The following AFG1L variants were observed in gnomAD, a reference collection of about 807,000 sequenced individuals.
AFG1L encodes AFG1 like ATPase, also known as AFG1-like ATPase.
Under a neutral mutation model 62.2 loss-of-function variants are expected in AFG1L, and 53 were observed. That is an observed-to-expected ratio of 0.85 (90% CI 0.68 to 1.07). AFG1L has a LOEUF of 1.07. AFG1L is among the 50% of genes least tolerant of loss of function. The pLI, the probability that AFG1L is intolerant of heterozygous loss-of-function variation, is 0.00. For missense variants in AFG1L, 555 were observed against 590.5 expected (o/e 0.94, Z 0.62); for synonymous variants, 228 against 210.3 (o/e 1.08, Z -0.73).
chr6:108,390,273 TC>T (rs1395713983), intron 6 of AFG1L, among the ~76,000 whole-genome samples: 2 of 152,200 alleles, frequency 1.3e-5, no homozygotes, highest in African/African-American at 4.8e-5. Context: ...ATTCGTCTAA[TC>T]TTTTTTCAAG....
chr6:108,327,158 A>G (rs1482272176), intron 2 of AFG1L, among the ~76,000 whole-genome samples: 2 of 152,212 alleles, frequency 1.3e-5, no homozygotes, highest in African/African-American at 4.8e-5. Flanking sequence ...CTGAGAGTAT[A>G]ATTAATTTTA....
At chr6:108,325,209 C>T (rs953143860) in intron 2 of AFG1L, among the ~76,000 whole-genome samples, 2 of 152,190 alleles carry the variant, frequency 1.3e-5, no homozygotes, top group Admixed American at 1.3e-4. Context: ...CTCTTCCACA[C>T]TCTGCTCTGG....
chr6:108,463,047 G>C (rs966404307), intron 8 of AFG1L, among the ~76,000 whole-genome samples: 1 of 151,910 alleles, frequency 6.6e-6, no homozygotes, highest in Non-Finnish European at 1.5e-5. Context: ...CCAGCACTGT[G>C]GGAGGCTGAG....
chr6:108,500,171 C>CGTGCGTGTGTGTGT (rs1247963141), intron 10 of AFG1L, among the ~76,000 whole-genome samples: 2 of 135,070 alleles, frequency 1.5e-5, no homozygotes, highest in Non-Finnish European at 1.6e-5. Context: ...ATGGTGCGTG[C>CGTGCGTGTGTGTGT]GTGTGTGTGT....
intron 2 of AFG1L, 48 bp from the exon 3 acceptor site, chr6:108,346,934 ATTATAT>A: frequency 7.6e-7 from 1 of 1,322,612 alleles, no homozygotes; most frequent in East Asian, 2.3e-5. Context: ...TATGTATATG[ATTATAT>A]TTAATTATTT....
chr6:108,382,446 G>T (rs1670835297), intron 6 of AFG1L, among the ~76,000 whole-genome samples: 1 of 152,098 alleles, frequency 6.6e-6, no homozygotes, highest in Admixed American at 6.6e-5. Flanking sequence ...AATATCACTA[G>T]AAAGTTGGCT....
chr6:108,360,266 A>G (rs1779471128), intron 5 of AFG1L, among the ~76,000 whole-genome samples: 1 of 152,070 alleles, frequency 6.6e-6, no homozygotes, highest in Admixed American at 6.6e-5. Flanking sequence ...ATTGCTTCCT[A>G]CTGTTCCCAA....
intron 1 of AFG1L, among the ~76,000 whole-genome samples, chr6:108,296,589 TAC>T (rs1289467868): frequency 6.6e-6 from 1 of 152,220 alleles, no homozygotes; most frequent in Admixed American, 6.5e-5. Flanking sequence ...TAACATGCTG[TAC>T]ACATTGTTTT....
intron 6 of AFG1L, among the ~76,000 whole-genome samples, chr6:108,377,181 G>C (rs765267728): frequency 2.6e-5 from 4 of 152,012 alleles, no homozygotes; most frequent in Admixed American, 1.3e-4. Context: ...AGATGGATGG[G>C]TCTTGTTTCT....
rs1301672658 is a variant in AFG1L, at chr6:108,312,239, A to G, written c.140-11586A>G. On this transcript the variant is annotated intron_variant, in intron 1 of 12. Coordinates refer to ENST00000368977, the MANE Select transcript of AFG1L (RefSeq NM_145315.5). ...GGTCCCTCATTTTTCCTAAGTTTCT[A>G]AAGCATATCAAATATAGAGGCCAGG... Among the ~76,000 whole-genome samples the G allele has an allele frequency of 2.0e-5, 3 of 152,190 alleles. No individual in the cohort carries two copies. In the East Asian group the frequency reaches 5.8e-4, roughly 29 times the overall value.
intron 7 of AFG1L, 48 bp from the exon 8 acceptor site, chr6:108,447,166 C>A: frequency 1.0e-6 from 1 of 954,134 alleles, no homozygotes; most frequent in Non-Finnish European, 1.7e-6. Context: ...GATTGTAATT[C>A]TGAGCCACTA....
chr6:108,330,090 A>G (rs566451789), intron 2 of AFG1L, among the ~76,000 whole-genome samples: 7 of 152,190 alleles, frequency 4.6e-5, no homozygotes, highest in Admixed American at 2.0e-4. Context: ...CTCTGCAGAG[A>G]GTCTTCACCA....
At chr6:108,360,818 C>T (rs528377753) in intron 5 of AFG1L, among the ~76,000 whole-genome samples, 2 of 152,260 alleles carry the variant, frequency 1.3e-5, no homozygotes, top group Non-Finnish European at 2.9e-5. Flanking sequence ...TCTACTTATC[C>T]CCCTTCCCTA....
chr6:108,471,352 G>C (rs937545164), intron 8 of AFG1L, among the ~76,000 whole-genome samples: 1 of 151,886 alleles, frequency 6.6e-6, no homozygotes, highest in African/African-American at 2.4e-5. Context: ...AACCTCTGAT[G>C]CAAATATGTT....
intron 10 of AFG1L, 60 bp from the exon 11 acceptor site, chr6:108,510,152 C>A: frequency 1.5e-6 from 2 of 1,375,860 alleles, no homozygotes; most frequent in Non-Finnish European, 2.0e-6. Flanking sequence ...CACTAAACCA[C>A]TCCAAAGGCA....
At chr6:108,296,840 T>G (rs1176767167) in intron 1 of AFG1L, among the ~76,000 whole-genome samples, 2 of 152,228 alleles carry the variant, frequency 1.3e-5, no homozygotes, top group Non-Finnish European at 2.9e-5. Context: ...TACAATATAC[T>G]AAGTACTTTC....
intron 8 of AFG1L, among the ~76,000 whole-genome samples, chr6:108,451,719 A>AT (rs932957975): frequency 3.2e-4 from 48 of 150,490 alleles, no homozygotes; most frequent in Non-Finnish European, 3.8e-4. Context: ...TTTTATTTTC[A>AT]TTTTTTTTTG....
chr6:108,513,398 T>A (rs892695252), intron 11 of AFG1L, among the ~76,000 whole-genome samples: 1 of 152,088 alleles, frequency 6.6e-6, no homozygotes, highest in African/African-American at 2.4e-5. Flanking sequence ...ACCTGGAAAA[T>A]CGGATCACTC....
At chr6:108,346,219 G>C (rs531154703) in intron 2 of AFG1L, among the ~76,000 whole-genome samples, 1 of 152,036 alleles carries the variant, frequency 6.6e-6, no homozygotes, top group East Asian at 1.9e-4. Context: ...CAGTTCAGTG[G>C]TATTAAATAC....
Sources: gnomAD v4.1 joint callset for allele counts (sites outside exome capture counted in the v4.1 genomes callset) on GRCh38, gnomAD v4.1.1 for gene constraint, MANE v1.5 for transcripts, NCBI Gene and HGNC (gene_info 2026-07-23, HGNC 2026-07-21) for gene names.